The following SNAP25 variants were observed in gnomAD, a reference collection of about 807,000 sequenced individuals.
The protein encoded by SNAP25 is synaptosome associated protein 25.
Under a neutral mutation model 28.7 loss-of-function variants are expected in SNAP25, and 3 were observed. The ratio of observed to expected loss-of-function variants is 0.10; its 90% CI spans 0.05 to 0.27. The LOEUF (loss-of-function observed/expected upper bound fraction) is 0.27. SNAP25 is among the 10% of genes least tolerant of loss of function. The probability of loss-of-function intolerance (pLI) is 1.00; values close to 1 mark genes in which losing one functional copy is unlikely to be tolerated. For missense variants in SNAP25, 117 were observed against 278.7 expected, an observed-to-expected ratio of 0.42 and a Z score of 4.13; for synonymous variants, 61 against 88.1, an observed-to-expected ratio of 0.69 and a Z score of 1.72.
chr20:10,269,879 A>G (rs1196301678), intron 1 of SNAP25, among the ~76,000 whole-genome samples: 8 of 152,256 alleles, frequency 5.3e-5, no homozygotes, highest in Non-Finnish European at 1.2e-4. Flanking sequence ...ATACAAGAAC[A>G]GCTGGATTTG....
intron 1 of SNAP25, among the ~76,000 whole-genome samples, chr20:10,230,054 C>G (rs1354001353): frequency 6.6e-6 from 1 of 152,080 alleles, no homozygotes; most frequent in Admixed American, 6.6e-5. Context: ...GCTAGAGAAC[C>G]AAAGGCCCTT....
At position 10,260,724 on chromosome 20, in the gene SNAP25, A is replaced by ACAAAC. The variant is rs1568597310; in HGVS notation, c.-63-14705_-63-14704insCAAAC. Among the ~76,000 whole-genome samples, 75 of 78,474 alleles carry ACAAAC rather than the reference A, an allele frequency of 9.6e-4. 1 individual carries two copies. The highest frequency in any genetic ancestry group is 3.1e-3 in the African/African-American group (74 of 24,098). The allele number at this position is 78,474 out of a possible 152,430, so 51.5% of individuals were successfully genotyped here. On this transcript the variant is annotated intron_variant, in intron 1 of 7. Coordinates refer to ENST00000254976, the MANE Select transcript of SNAP25 (RefSeq NM_130811.4). Reference sequence around the variant, plus strand: ...ACACACACACACACACACACACACAAACACACACACACACACATCTGCCTT... The same window carrying ACAAAC: ...ACACACACACACACACACACACACAACAAACACACACACACACACACATCTGCCTT...
chr20:10,280,611 A>G (rs1489351138), intron 3 of SNAP25, among the ~76,000 whole-genome samples: 3 of 152,198 alleles, frequency 2.0e-5, no homozygotes, highest in Non-Finnish European at 4.4e-5. Context: ...ATTTAATTCC[A>G]GGAAAAAAAG....
chr20:10,288,170 TA>T (rs1172307760), intron 4 of SNAP25, among the ~76,000 whole-genome samples: 1 of 151,590 alleles, frequency 6.6e-6, no homozygotes, highest in African/African-American at 2.4e-5. Flanking sequence ...AATAATAAAA[TA>T]AAAAAATTTA....
intron 1 of SNAP25, among the ~76,000 whole-genome samples, chr20:10,224,220 T>C (rs2122613221): frequency 6.7e-6 from 1 of 148,800 alleles, no homozygotes; most frequent in Non-Finnish European, 1.5e-5. Context: ...TCCATATTTT[T>C]CATATTGGCC....
chr20:10,293,047 T>A lies in SNAP25; in HGVS notation c.164-114T>A. 1 of 524,022 alleles carries A rather than the reference T, an allele frequency of 1.9e-6. No homozygotes were observed. Among genetic ancestry groups the A allele is most frequent in the Non-Finnish European group, 2.7e-6 (1 of 364,888 alleles). The allele number at this position is 524,022 out of a possible 1,614,324, so 32.5% of individuals were successfully genotyped here. The stretch of plus-strand genomic sequence containing the variant: ...AATCTGTGGCGTCCAGTTTTCTTTC[T>A]TTTTTTTTTTTTCTTTTTTAATGTC... On this transcript the variant is annotated intron_variant, in intron 4 of 7. Coordinates refer to ENST00000254976, the MANE Select transcript of SNAP25 (RefSeq NM_130811.4). This position sits in a 1 kb window ranked among gnomAD's most constrained non-coding sequence, Gnocchi z 5.6.
chr20:10,298,789 G>T (rs1600789328), intron 6 of SNAP25, among the ~76,000 whole-genome samples: 1 of 152,298 alleles, frequency 6.6e-6, no homozygotes, highest in South Asian at 2.1e-4. Flanking sequence ...TGAGCACAGA[G>T]ACTCTGACTT....
intron 1 of SNAP25, among the ~76,000 whole-genome samples, chr20:10,236,577 T>A (rs1175463807): frequency 2.6e-5 from 4 of 152,144 alleles, no homozygotes; most frequent in Non-Finnish European, 4.4e-5. Flanking sequence ...CTACCCATAA[T>A]GTTAAAAACA....
chr20:10,287,982 G>T (rs1454535824), intron 4 of SNAP25, among the ~76,000 whole-genome samples: 2 of 151,846 alleles, frequency 1.3e-5, no homozygotes, highest in African/African-American at 2.4e-5. Flanking sequence ...ACACAGGAAG[G>T]GGAACATCAC....
At chr20:10,286,744 T>C (rs2063887306) in intron 4 of SNAP25, among the ~76,000 whole-genome samples, 1 of 152,118 alleles carries the variant, frequency 6.6e-6, no homozygotes, top group African/African-American at 2.4e-5. Context: ...GAGAAAAAAG[T>C]TTGAAAAAAA....
At chr20:10,221,184 G>C (rs1378176997) in intron 1 of SNAP25, among the ~76,000 whole-genome samples, 1 of 152,200 alleles carries the variant, frequency 6.6e-6, no homozygotes, top group Non-Finnish European at 1.5e-5. Context: ...AAAGCCTAAT[G>C]CTGCCGGAAT....
At chr20:10,250,842 T>C (rs1259619139) in intron 1 of SNAP25, among the ~76,000 whole-genome samples, 1 of 152,218 alleles carries the variant, frequency 6.6e-6, no homozygotes, top group Non-Finnish European at 1.5e-5. Context: ...ACGCAAATAC[T>C]TACTATTGTG....
At chr20:10,256,111 C>T (rs2063315123) in intron 1 of SNAP25, among the ~76,000 whole-genome samples, 1 of 152,202 alleles carries the variant, frequency 6.6e-6, no homozygotes, top group Non-Finnish European at 1.5e-5. Context: ...TGTTTTTCAA[C>T]ACCTAAGTGT....
intron 7 of SNAP25, among the ~76,000 whole-genome samples, chr20:10,300,519 A>G (rs891160784): frequency 6.6e-6 from 1 of 152,174 alleles, no homozygotes; most frequent in Non-Finnish European, 1.5e-5. Context: ...AAATTTTCTT[A>G]TAATAATTCA....
rs950450737 is a variant in SNAP25 at position 10,229,647 on chromosome 20, T to C, written c.-64+10670T>C. On this transcript the variant is annotated intron_variant, in intron 1 of 7. Transcript: ENST00000254976. ...AAGATTTTGAAAGTCACACTATTTT[T>C]TGAGCATCTACTATGTGGTAGATAT... 2.6e-5 allele frequency among the ~76,000 whole-genome samples: 4 copies of C among 152,160 alleles called. No homozygotes were observed. The East Asian group carries it at 5.8e-4, about 22-fold the overall frequency.
chr20:10,221,126 C>A (rs919097324), intron 1 of SNAP25, among the ~76,000 whole-genome samples: 7 of 152,246 alleles, frequency 4.6e-5, no homozygotes, highest in African/African-American at 1.7e-4. Flanking sequence ...AATGCTTTAA[C>A]TTCATGCTGC....
At chr20:10,296,840 C>T (rs1048949504) in intron 5 of SNAP25, 85 bp from the exon 6 acceptor site, 15 of 1,592,564 alleles carry the variant, frequency 9.4e-6, no homozygotes, top group African/African-American at 9.4e-5. Flanking sequence ...TCGCTTGGTT[C>T]GATTCTTCGC....
chr20:10,265,861 T>A (rs1179429672), intron 1 of SNAP25, among the ~76,000 whole-genome samples: 2 of 152,188 alleles, frequency 1.3e-5, no homozygotes, highest in East Asian at 3.9e-4. Flanking sequence ...GTGCTTGATA[T>A]GTTGTTCAGT....
At chr20:10,275,069 TTAAA>T (rs377525248) in intron 1 of SNAP25, among the ~76,000 whole-genome samples, 6,105 of 131,892 alleles carry the variant, frequency 0.046, 351 homozygotes, top group African/African-American at 0.14. Context: ...ATAGAGCTAT[TTAAA>T]TAAATAAATA....
Sources: gnomAD v4.1 joint callset for allele counts (sites outside exome capture counted in the v4.1 genomes callset) on GRCh38, gnomAD v4.1.1 for gene constraint, Gnocchi (gnomAD v3.1) non-coding constraint, MANE v1.5 for transcripts, NCBI Gene and HGNC (gene_info 2026-07-23, HGNC 2026-07-21) for gene names.